Variants in EBNA1BP2 observed in about 807,000 individuals in gnomAD.
EBNA1BP2 encodes probable rRNA-processing protein EBP2.
In EBNA1BP2, 36 loss-of-function variants were observed where a neutral mutation model predicts 43.5. The ratio of observed to expected loss-of-function variants is 0.83; its 90% CI spans 0.63 to 1.09. The LOEUF (loss-of-function observed/expected upper bound fraction) is 1.09, where lower values mean the gene tolerates loss of function less well. Among genes scored for constraint, EBNA1BP2 ranks in the 50% least tolerant of loss-of-function variants. The pLI is 0.00. For missense variants in EBNA1BP2, 332 were observed against 379.1 expected (o/e 0.88, Z 1.03); for synonymous variants, 127 against 141.3 (o/e 0.90, Z 0.72).
intron 4 of EBNA1BP2, 137 bp downstream of exon 4, chr1:43,170,619 C>T (rs1295047056): frequency 7.8e-6 from 10 of 1,284,160 alleles, no homozygotes; most frequent in Admixed American, 2.8e-5. Flanking sequence ...TCTGAAGTAG[C>T]CAATCTATGG....
At chr1:43,172,294 T>C, upstream of EBNA1BP2, 1 of 1,552,004 alleles carries the variant, frequency 6.4e-7, no homozygotes, top group South Asian at 1.2e-5. Context: ...ACTGCTCAAC[T>C]TTTGATTGGG....
At position 43,172,237 on chromosome 1, in the gene EBNA1BP2, T is replaced by C; in HGVS notation, c.-119A>G. The stretch of plus-strand genomic sequence containing the variant: ...CCTTCAGCCCCCTACTCCCACGCCG[T>C]GGCTCCACGTGCCACCGAATCGCTC... On this transcript the variant is annotated 5_prime_UTR_variant, in exon 1 of 9. Coordinates refer to ENST00000236051, the MANE Select transcript of EBNA1BP2 (RefSeq NM_006824.3). 6.4e-7 allele frequency: 1 copy of C among 1,564,404 alleles called. No individual in the cohort carries two copies. Among genetic ancestry groups the C allele is most frequent in the Non-Finnish European group, 8.7e-7 (1 of 1,153,506 alleles).
chr1:43,170,656 C>T (rs1644952748), intron 4 of EBNA1BP2, 100 bp downstream of exon 4: 2 of 1,503,256 alleles, frequency 1.3e-6, no homozygotes, highest in South Asian at 1.3e-5. Context: ...CCTCTGACAA[C>T]TGGCTCCCCG....
At position 43,172,207 on chromosome 1, in the gene EBNA1BP2, G is replaced by A; in HGVS notation, c.-89C>T. The A allele has an allele frequency of 1.3e-6, 2 of 1,593,178 alleles. No individual in the cohort carries two copies. The highest frequency in any genetic ancestry group is 1.3e-5 in the African/African-American group (1 of 74,498). On this transcript the variant is annotated 5_prime_UTR_variant, in exon 1 of 9. Coordinates refer to ENST00000236051, the MANE Select transcript of EBNA1BP2 (RefSeq NM_006824.3). ...GCAGAGGGCGGCCCTGGCCGCTGCT[G>A]CCTGCCTTCAGCCCCCTACTCCCAC...
Position 43,169,033 on chromosome 1 carries a change from A to G in EBNA1BP2, c.448-5T>C. On this transcript the variant is annotated splice_region_variant and splice_polypyrimidine_tract_variant and intron_variant, in intron 4 of 8. Coordinates refer to ENST00000236051, the MANE Select transcript of EBNA1BP2 (RefSeq NM_006824.3). Reference sequence around the variant, plus strand: ...AGTCTGCAGCTTCTGTCGAATCTACAACACAAAATGCTGTCAGTTCATGTC... The same window carrying G: ...AGTCTGCAGCTTCTGTCGAATCTACGACACAAAATGCTGTCAGTTCATGTC... The G allele has an allele frequency of 6.2e-7, 1 of 1,613,910 alleles. No homozygotes were observed. Among genetic ancestry groups the G allele is most frequent in the South Asian group, 1.1e-5 (1 of 91,078 alleles).
intron 2 of EBNA1BP2, 86 bp from the exon 3 acceptor site, chr1:43,171,737 T>G (rs763565824): frequency 6.4e-7 from 1 of 1,573,762 alleles, no homozygotes; most frequent in Admixed American, 1.8e-5. Flanking sequence ...AGGGACAAAG[T>G]GCTAATCCCC....
In EBNA1BP2 at chr1:43,164,673, G is replaced by T; in HGVS notation, c.840C>A (p.Gly280=). Residue 280 remains glycine (G), a synonymous_variant, in exon 8 of 9, where the codon GGC becomes GGA. Transcript: ENST00000236051. ...SFRAKTAHGR[G]LKRPGKKGSN... is the part of the protein sequence containing the mutation. ...ACCCTTTCTTGCCAGGCCTCTTGAG[G>T]CCTCTGCCATGAGCTGTCTTGGCCC... 2 of 1,614,196 alleles carry T rather than the reference G, an allele frequency of 1.2e-6. No homozygotes were observed. The highest frequency in any genetic ancestry group is 1.7e-6 in the Non-Finnish European group (2 of 1,180,026).
At chr1:43,172,520 GA>G, upstream of EBNA1BP2, 2 of 1,289,348 alleles carry the variant, frequency 1.6e-6, no homozygotes, top group Non-Finnish European at 1.0e-6. Context: ...GGAAAAGGCA[GA>G]AAAAGGAGCC....
At chr1:43,167,501 G>A (rs1392568874) in intron 5 of EBNA1BP2, among the ~76,000 whole-genome samples, 1 of 152,064 alleles carries the variant, frequency 6.6e-6, no homozygotes, top group African/African-American at 2.4e-5. Context: ...TGCCCAAGTC[G>A]CACAGTGAAA....
At chr1:43,167,508 G>GA (rs996353081) in intron 5 of EBNA1BP2, among the ~76,000 whole-genome samples, 17 of 152,252 alleles carry the variant, frequency 1.1e-4, no homozygotes, top group Admixed American at 1.0e-3. Context: ...GTCGCACAGT[G>GA]AAAAAATGCA....
intron 5 of EBNA1BP2, among the ~76,000 whole-genome samples, chr1:43,168,296 T>C (rs1644931579): frequency 6.6e-6 from 1 of 152,190 alleles, no homozygotes; most frequent in Non-Finnish European, 1.5e-5. Flanking sequence ...CCCACACCAA[T>C]CTTCCTCACA....
At chr1:43,166,985 T>A (rs989900531) in intron 6 of EBNA1BP2, 66 bp from the exon 7 acceptor site, 9 of 1,556,680 alleles carry the variant, frequency 5.8e-6, no homozygotes, top group Non-Finnish European at 7.9e-6. Context: ...TAAACCACCA[T>A]ATGAGGCTGT....
At chr1:43,169,158 C>T (rs1416412652) in intron 4 of EBNA1BP2, 130 bp from the exon 5 acceptor site, 3 of 969,914 alleles carry the variant, frequency 3.1e-6, no homozygotes, top group Non-Finnish European at 4.8e-6. Context: ...CAGTTCCAAC[C>T]CCTGAGGACA....
intron 7 of EBNA1BP2, among the ~76,000 whole-genome samples, chr1:43,165,494 A>C (rs1030160054): frequency 6.6e-6 from 1 of 151,894 alleles, no homozygotes; most frequent in African/African-American, 2.4e-5. Flanking sequence ...TGCTCATTTC[A>C]CCTCTTAAAT....
chr1:43,165,731 T>C (rs639476), intron 7 of EBNA1BP2, among the ~76,000 whole-genome samples: 79,684 of 151,908 alleles, frequency 0.52, 22,990 homozygotes, highest in African/African-American at 0.78. Flanking sequence ...CCAAACACAT[T>C]GCACCCCTCC....
rs767770848 is a variant in EBNA1BP2, at chr1:43,164,832, C to A, written c.708-27G>T. 2.3e-5 allele frequency: 37 copies of A among 1,611,928 alleles called. No individual in the cohort carries two copies. The East Asian group carries it at 7.8e-4, about 34-fold the overall frequency. On this transcript the variant is annotated intron_variant, in intron 7 of 8. Coordinates refer to ENST00000236051, the MANE Select transcript of EBNA1BP2 (RefSeq NM_006824.3). ...TGGAAAAGAATGGTCCTAGACATCA[C>A]TACAGCACTGTAAAGCCTGATGAAC...
At chr1:43,172,427 G>T (rs1644998371), upstream of EBNA1BP2, 8 of 1,551,106 alleles carry the variant, frequency 5.2e-6, no homozygotes, top group Non-Finnish European at 4.4e-6. Context: ...TACATGCGTG[G>T]TCTGCTGACC....
intron 5 of EBNA1BP2, among the ~76,000 whole-genome samples, chr1:43,168,024 T>A (rs893626153): frequency 2.0e-5 from 3 of 152,230 alleles, no homozygotes; most frequent in Non-Finnish European, 4.4e-5. Context: ...AACAGTGAAC[T>A]AATAGGCCCA....
chr1:43,167,270 C>T (rs1443771624), intron 5 of EBNA1BP2, 35 bp from the exon 6 acceptor site: 3 of 1,588,714 alleles, frequency 1.9e-6, no homozygotes, highest in Admixed American at 1.7e-5. Flanking sequence ...TACAGCCATT[C>T]CATACCATTA....
Sources: gnomAD v4.1 joint callset for allele counts (sites outside exome capture counted in the v4.1 genomes callset) on GRCh38, gnomAD v4.1.1 for gene constraint, MANE v1.5 for transcripts, NCBI Gene and HGNC (gene_info 2026-07-23, HGNC 2026-07-21) for gene names.